Variants in GART observed in about 807,000 individuals in gnomAD.
The protein encoded by GART is phosphoribosylglycinamide formyltransferase, phosphoribosylglycinamide synthetase, phosphoribosylaminoimidazole synthetase.
A neutral mutation model predicts 107.2 loss-of-function variants in GART; 43 were observed. The ratio of observed to expected loss-of-function variants is 0.40; its 90% CI spans 0.31 to 0.52. The LOEUF is 0.52. Among genes scored for constraint, GART ranks in the 20% least tolerant of loss-of-function variants. The pLI is 0.52. For missense variants in GART, 1,107 were observed against 1,206.5 expected (o/e 0.92, Z 1.22); for synonymous variants, 434 against 427.0 (o/e 1.02, Z -0.20).
chr21:33,506,147 C>CT (rs375511825), intron 18 of GART, 43 bp from the exon 19 acceptor site: 80,511 of 1,162,416 alleles, frequency 0.069, 36 homozygotes, highest in Non-Finnish European at 0.074. Flanking sequence ...ACTACTACTT[C>CT]TTTTTTTTTT....
Position 33,506,001 on chromosome 21 carries a change from T to C in GART, c.2556A>G (p.Lys852=). 2 of 1,614,148 alleles carry C rather than the reference T, an allele frequency of 1.2e-6. No homozygotes were observed. Among genetic ancestry groups the C allele is most frequent in the South Asian group, 2.2e-5 (2 of 91,080 alleles). Residue 852 remains lysine (K), a synonymous_variant, in exon 19 of 22, where the codon AAA becomes AAG. Transcript: ENST00000381815. The part of the protein sequence containing the change: ...SNKAAVAGLD[K]AERAGIPTRV... ...TAGTGGGAATACCAGCTCTTTCCGC[T>C]TTATCTAACCCAGCTACTGCGGCTT...
intron 10 of GART, among the ~76,000 whole-genome samples, chr21:33,526,362 C>T (rs1208749140): frequency 6.6e-6 from 1 of 151,954 alleles, no homozygotes. Flanking sequence ...TTAGTGGAGA[C>T]GGGGTTTCAC....
At chr21:33,515,499 G>T (rs988366635) in intron 16 of GART, among the ~76,000 whole-genome samples, 6 of 151,730 alleles carry the variant, frequency 4.0e-5, no homozygotes, top group African/African-American at 1.5e-4. Context: ...AATTAGCCGG[G>T]CATGGTGGCG....
At chr21:33,531,211 C>T (rs960984797) in intron 6 of GART, 1 of 420,644 alleles carries the variant, frequency 2.4e-6, no homozygotes, top group Admixed American at 4.2e-5. Flanking sequence ...GTGCAATAAA[C>T]TGTATATGAA....
intron 14 of GART, chr21:33,518,641 T>A: frequency 2.5e-6 from 1 of 392,796 alleles, no homozygotes. Context: ...CCTAGTTACT[T>A]CATATTTTTT....
At chr21:33,514,495 T>C (rs2084842959) in intron 16 of GART, among the ~76,000 whole-genome samples, 1 of 152,318 alleles carries the variant, frequency 6.6e-6, no homozygotes, top group Non-Finnish European at 1.5e-5. Context: ...AGTGGTGTGC[T>C]AGAGCCAGCT....
Position 33,511,474 on chromosome 21 carries a change from A to G in GART, c.2108-16T>C, listed in dbSNP as rs771727981. The G allele has an allele frequency of 2.5e-6, 4 of 1,612,440 alleles. No individual in the cohort carries two copies. Among genetic ancestry groups the G allele is most frequent in the South Asian group, 1.1e-5 (1 of 91,040 alleles). On this transcript the variant is annotated splice_polypyrimidine_tract_variant and intron_variant, in intron 16 of 21. Transcript: ENST00000381815. ...GTCTGGGCATCTGAAAAAAATAGAC[A>G]CGAATTGTTTGATTTTCCTACCTTC...
At chr21:33,519,552 T>TAAAAA (rs559509642) in intron 14 of GART, among the ~76,000 whole-genome samples, 1 of 123,348 alleles carries the variant, frequency 8.1e-6, no homozygotes, top group Non-Finnish European at 1.7e-5. Context: ...AGACTCTGTT[T>TAAAAA]AAAAAAAAAA....
In GART at chr21:33,531,504, GTCAAGAAGTTCT is replaced by G; in HGVS notation, c.570_581del (p.Glu190_Leu193del). On this transcript the variant is annotated inframe_deletion, in exon 6 of 22. Coordinates refer to ENST00000381815, the MANE Select transcript of GART (RefSeq NM_000819.5). ...ATATACATACCGACACCTCTTCTCC[GTCAAGAAGTTCT>G]TCAATGACAATTGTTTCTCCAGCTG... 1 of 1,611,768 alleles carries G rather than the reference GTCAAGAAGTTCT, an allele frequency of 6.2e-7. No homozygotes were observed. The highest frequency in any genetic ancestry group is 8.5e-7 in the Non-Finnish European group (1 of 1,179,384).
intron 11 of GART, 89 bp from the exon 12 acceptor site, chr21:33,522,371 TG>T: frequency 9.7e-7 from 1 of 1,027,512 alleles, no homozygotes; most frequent in Non-Finnish European, 1.5e-6. Flanking sequence ...ATATCCCAAG[TG>T]ATTTTCACAT....
chr21:33,541,388 C>G (rs892181552), intron 1 of GART, among the ~76,000 whole-genome samples: 2 of 152,246 alleles, frequency 1.3e-5, no homozygotes, highest in African/African-American at 4.8e-5. Flanking sequence ...CTCCAATGGT[C>G]AACCCACCTT....
intron 4 of GART, among the ~76,000 whole-genome samples, chr21:33,534,211 T>C (rs1480883382): frequency 6.6e-6 from 1 of 152,032 alleles, no homozygotes. Context: ...AAGTGACCTG[T>C]ATATTTATTT....
At chr21:33,540,306 C>T (rs1460564662) in intron 1 of GART, among the ~76,000 whole-genome samples, 1 of 152,176 alleles carries the variant, frequency 6.6e-6, no homozygotes, top group South Asian at 2.1e-4. Flanking sequence ...AACAAATAAA[C>T]GTGACTCGCT....
At chr21:33,525,186 A>G (rs2085049295) in intron 10 of GART, among the ~76,000 whole-genome samples, 186 bp from the exon 11 acceptor site, 2 of 151,282 alleles carry the variant, frequency 1.3e-5, no homozygotes, top group African/African-American at 4.9e-5. Flanking sequence ...TGAGTTCGAG[A>G]CCAGCCTGGG....
intron 1 of GART, among the ~76,000 whole-genome samples, 169 bp downstream of exon 1, chr21:33,541,896 G>A (rs2085438478): frequency 6.6e-6 from 1 of 152,164 alleles, no homozygotes; most frequent in Admixed American, 6.5e-5. Context: ...ATAGAAACCA[G>A]CTAACAGTAG....
chr21:33,534,812 T>A, intron 3 of GART, 59 bp from the exon 4 acceptor site: 1 of 1,425,790 alleles, frequency 7.0e-7, no homozygotes, highest in Non-Finnish European at 9.4e-7. Flanking sequence ...CTTTTCAGCC[T>A]GAAGACGAAT....
At chr21:33,529,003 G>A in intron 7 of GART, 66 bp from the exon 8 acceptor site, 3 of 1,050,598 alleles carry the variant, frequency 2.9e-6, no homozygotes, top group South Asian at 1.3e-5. Context: ...GTATTACATG[G>A]GACAACAGAA....
chr21:33,528,405 G>A, intron 9 of GART, 70 bp from the exon 10 acceptor site: 3 of 1,565,832 alleles, frequency 1.9e-6, no homozygotes, highest in Non-Finnish European at 2.6e-6. Context: ...ATTCACTGGT[G>A]TACTAGCAGA....
At chr21:33,524,711 A>G in intron 11 of GART, 58 bp downstream of exon 11, 1 of 1,609,780 alleles carries the variant, frequency 6.2e-7, no homozygotes, top group East Asian at 2.2e-5. Flanking sequence ...AATGTTCTAC[A>G]TAGCCATTTA....
Sources: gnomAD v4.1 joint callset for allele counts (sites outside exome capture counted in the v4.1 genomes callset) on GRCh38, gnomAD v4.1.1 for gene constraint, MANE v1.5 for transcripts, NCBI Gene and HGNC (gene_info 2026-07-23, HGNC 2026-07-21) for gene names.